The following ESCO1 variants were observed in gnomAD, a reference collection of about 807,000 sequenced individuals.
The protein encoded by ESCO1 is N-acetyltransferase ESCO1.
In ESCO1, 33 loss-of-function variants were observed where a neutral mutation model predicts 83.5. The observed-to-expected ratio is 0.40, with a 90% CI of 0.30 to 0.53. The LOEUF (loss-of-function observed/expected upper bound fraction) is 0.53, where lower values mean the gene tolerates loss of function less well. Among genes scored for constraint, ESCO1 ranks in the 20% least tolerant of loss-of-function variants. ESCO1 has a pLI of 0.63. For missense variants in ESCO1, 855 were observed against 968.0 expected, an observed-to-expected ratio of 0.88 and a Z score of 1.55; for synonymous variants, 332 against 324.3, an observed-to-expected ratio of 1.02 and a Z score of -0.25.
intron 8 of ESCO1, among the ~76,000 whole-genome samples, chr18:21,548,036 A>G (rs2037996223): frequency 6.6e-6 from 1 of 152,144 alleles, no homozygotes; most frequent in Non-Finnish European, 1.5e-5. Flanking sequence ...CAGGAGGTGG[A>G]GCTTGCAGTG....
intron 8 of ESCO1, among the ~76,000 whole-genome samples, chr18:21,542,845 A>T (rs1268268719): frequency 1.3e-5 from 2 of 152,246 alleles, no homozygotes; most frequent in Non-Finnish European, 2.9e-5. Context: ...CTTAGAGGCG[A>T]TAAAGTCCAT....
At chr18:21,542,904 G>C (rs1186258040) in intron 8 of ESCO1, among the ~76,000 whole-genome samples, 1 of 152,202 alleles carries the variant, frequency 6.6e-6, no homozygotes, top group Non-Finnish European at 1.5e-5. Flanking sequence ...AGGAAAGAGT[G>C]CATGCAATTT....
At chr18:21,562,902 G>A (rs1481959952) in intron 7 of ESCO1, among the ~76,000 whole-genome samples, 7 of 147,646 alleles carry the variant, frequency 4.7e-5, no homozygotes, top group African/African-American at 7.5e-5. Flanking sequence ...ATGGAGTATC[G>A]CTCTTGTTGT....
intron 8 of ESCO1, among the ~76,000 whole-genome samples, chr18:21,549,518 G>A (rs1425089756): frequency 1.3e-5 from 2 of 152,004 alleles, no homozygotes; most frequent in Non-Finnish European, 1.5e-5. Context: ...GGGGTCAAGC[G>A]ATTCTCATGC....
chr18:21,600,438 C>T (rs561754325), intron 1 of ESCO1, among the ~76,000 whole-genome samples, 185 bp downstream of exon 1: 2 of 152,240 alleles, frequency 1.3e-5, no homozygotes, highest in South Asian at 4.1e-4. Flanking sequence ...GTCTTGGAGC[C>T]TAGAGCCTCC....
chr18:21,573,615 T>C lies in ESCO1; in HGVS notation c.1229A>G (p.Gln410Arg), dbSNP rs945777491. The C allele has an allele frequency of 1.2e-6, 2 of 1,613,970 alleles. No individual in the cohort carries two copies. Among genetic ancestry groups the C allele is most frequent in the Non-Finnish European group, 1.7e-6 (2 of 1,179,988 alleles). Residue 410 changes from glutamine (Q) to arginine (R), a missense_variant, in exon 4 of 12, where the codon CAA becomes CGA. This residue lies in a region of ESCO1 where 726 missense variants were observed against 699.5 expected (regional missense o/e 1.04). Coordinates refer to ENST00000269214, the MANE Select transcript of ESCO1 (RefSeq NM_052911.3). ...NSVQHNKLDS[Q>R]VSPKLGLLRT... ...TAATAAGCCTAATTTAGGGGAAACT[T>C]GAGAGTCCAACTTATTGTGCTGCAC...
In ESCO1 at chr18:21,574,467, T is replaced by G. The variant is rs1342692542; in HGVS notation, c.377A>C (p.Gln126Pro). The G allele has an allele frequency of 5.6e-6, 9 of 1,614,040 alleles. No homozygotes were observed. The highest frequency in any genetic ancestry group is 6.8e-6 in the Non-Finnish European group (8 of 1,180,030). ...EQLNRRSQRLQQLTEVSRRSL... is the reference protein window; with the variant it reads ...EQLNRRSQRLPQLTEVSRRSL... ...CCTTCTTGAAACCTCTGTTAATTGT[T>G]GTAGCCTTTGTGATCTCCGGTTAAG... Residue 126 changes from glutamine to proline, a missense_variant, in exon 4 of 12, where the codon CAA becomes CCA. By Grantham distance (76) the Gln-to-Pro change is moderately conservative. Around this residue, in one of 2 missense-constraint regions of ESCO1, gnomAD observed 726 missense variants for 699.5 expected, o/e 1.04. Transcript: ENST00000269214.
intron 4 of ESCO1, 89 bp downstream of exon 4, chr18:21,573,225 T>A: frequency 7.8e-7 from 1 of 1,281,558 alleles, no homozygotes; most frequent in Non-Finnish European, 1.1e-6. Flanking sequence ...CAATCTTTTA[T>A]GACTTCATTC....
At chr18:21,559,989 G>A (rs997824755) in intron 8 of ESCO1, among the ~76,000 whole-genome samples, 2 of 151,932 alleles carry the variant, frequency 1.3e-5, no homozygotes, top group African/African-American at 2.4e-5. Context: ...GAATTTAACG[G>A]AGGCCAATAA....
At chr18:21,565,107 A>T (rs2038241833) in intron 6 of ESCO1, among the ~76,000 whole-genome samples, 1 of 152,074 alleles carries the variant, frequency 6.6e-6, no homozygotes, top group African/African-American at 2.4e-5. Flanking sequence ...AAAGGGGGAA[A>T]GAAAATTACT....
At chr18:21,582,861 T>G (rs2038521388) in intron 2 of ESCO1, among the ~76,000 whole-genome samples, 1 of 152,226 alleles carries the variant, frequency 6.6e-6, no homozygotes, top group South Asian at 2.1e-4. Flanking sequence ...TGCAGGACAA[T>G]CCACCTATCA....
chr18:21,569,725 T>C (rs972880219), intron 4 of ESCO1, among the ~76,000 whole-genome samples: 1 of 152,028 alleles, frequency 6.6e-6, no homozygotes, highest in Non-Finnish European at 1.5e-5. Context: ...CTGGGTGTGG[T>C]GGCGGTCCCA....
chr18:21,532,901 G>C (rs1020949649), intron 10 of ESCO1, among the ~76,000 whole-genome samples: 2 of 152,042 alleles, frequency 1.3e-5, no homozygotes. Flanking sequence ...CCTCACTGGC[G>C]ATATCCATCA....
intron 10 of ESCO1, 89 bp downstream of exon 10, chr18:21,535,953 G>A (rs1043504917): frequency 2.2e-5 from 33 of 1,480,878 alleles, no homozygotes; most frequent in South Asian, 6.7e-5. Flanking sequence ...ATGAAATGGA[G>A]ACAAATTTAT....
chr18:21,564,357 T>A, intron 6 of ESCO1, 40 bp from the exon 7 acceptor site: 2 of 1,219,552 alleles, frequency 1.6e-6, no homozygotes, highest in Non-Finnish European at 2.3e-6. Flanking sequence ...CAGATCCAAG[T>A]CATTTCACAT....
chr18:21,562,246 G>A (rs369392978), intron 7 of ESCO1, among the ~76,000 whole-genome samples: 20 of 152,066 alleles, frequency 1.3e-4, no homozygotes, highest in African/African-American at 3.4e-4. Flanking sequence ...TGTAATCCCA[G>A]CACTCTGGAT....
intron 8 of ESCO1, among the ~76,000 whole-genome samples, chr18:21,549,659 T>C (rs1250820959): frequency 6.6e-6 from 1 of 151,950 alleles, no homozygotes; most frequent in Admixed American, 6.6e-5. Flanking sequence ...GGAGTTTTGC[T>C]CCCAATTAGG....
intron 1 of ESCO1, among the ~76,000 whole-genome samples, chr18:21,591,440 A>G (rs1006823814): frequency 3.3e-5 from 5 of 152,210 alleles, no homozygotes; most frequent in Admixed American, 3.3e-4. Flanking sequence ...CAGGCTATAT[A>G]TATCACATCA....
intron 7 of ESCO1, among the ~76,000 whole-genome samples, chr18:21,563,165 C>T (rs2038211806): frequency 6.6e-6 from 1 of 151,950 alleles, no homozygotes; most frequent in South Asian, 2.1e-4. Flanking sequence ...GCCACTGCAC[C>T]TGGACAAGTT....
Sources: gnomAD v4.1 joint callset for allele counts (sites outside exome capture counted in the v4.1 genomes callset) on GRCh38, gnomAD v4.1.1 for gene constraint, gnomAD v4.1.1 regional missense constraint, MANE v1.5 for transcripts, NCBI Gene and HGNC (gene_info 2026-07-23, HGNC 2026-07-21) for gene names.